USP24: variants seen among roughly 807,000 people sequenced by gnomAD.
USP24 encodes ubiquitin carboxyl-terminal hydrolase 24.
A neutral mutation model predicts 361.6 loss-of-function variants in USP24; 97 were observed. That is an observed-to-expected ratio of 0.27 (90% CI 0.23 to 0.32). The LOEUF (loss-of-function observed/expected upper bound fraction) is 0.32. Among genes scored for constraint, USP24 ranks in the 10% least tolerant of loss-of-function variants. The pLI, the probability that USP24 is intolerant of heterozygous loss-of-function variation, is 1.00. For synonymous variants in USP24, 1,098 were observed against 1,124.6 expected (o/e 0.98, Z 0.47); for missense variants, 2,353 against 3,165.6 (o/e 0.74, Z 6.16).
chr1:55,096,888 T>C (rs1211462335), intron 49 of USP24, 64 bp downstream of exon 49: 17 of 1,549,760 alleles, frequency 1.1e-5, no homozygotes, highest in Non-Finnish European at 1.4e-5. Flanking sequence ...GCGGTGAGTA[T>C]GGATGATAAC....
At chr1:55,144,654 G>C (rs1646980119) in intron 20 of USP24, among the ~76,000 whole-genome samples, 1 of 152,170 alleles carries the variant, frequency 6.6e-6, no homozygotes, top group South Asian at 2.1e-4. Flanking sequence ...ATTAGATTTG[G>C]CCGGGTGCGG....
In USP24 at chr1:55,159,031, C is replaced by A; in HGVS notation, c.1074G>T (p.Leu358Phe). The A allele has an allele frequency of 6.6e-7, 1 of 1,516,328 alleles. No individual in the cohort carries two copies. Among genetic ancestry groups the A allele is most frequent in the Non-Finnish European group, 8.8e-7 (1 of 1,131,230 alleles). The allele number at this position is 1,516,328 out of a possible 1,614,324, so 93.9% of individuals were successfully genotyped here. ...VEEKDLKDKR[L>F]VSIPELLSAV... ...CAGACAAGAGCTCAGGGATGCTAAC[C>A]AATCTCTTTTATTGAATAAAAACAA... Residue 358 changes from leucine to phenylalanine, a missense_variant, in exon 10 of 68, where the codon TTG (leucine) becomes TTT (phenylalanine). By Grantham distance (22) the Leu-to-Phe change is conservative. Transcript: ENST00000294383.
intron 24 of USP24, among the ~76,000 whole-genome samples, chr1:55,140,244 T>C (rs1646850395): frequency 6.6e-6 from 1 of 152,122 alleles, no homozygotes; most frequent in Admixed American, 6.6e-5. Context: ...AGCATACTCA[T>C]TTAAAGAAGT....
At chr1:55,109,105 C>T (rs1336757578) in intron 39 of USP24, among the ~76,000 whole-genome samples, 6 of 152,244 alleles carry the variant, frequency 3.9e-5, no homozygotes, top group Non-Finnish European at 7.3e-5. Context: ...TCTCCTGCTT[C>T]GGCCTCCCGA....
chr1:55,134,965 A>T (rs1646693009), intron 28 of USP24, among the ~76,000 whole-genome samples: 2 of 152,276 alleles, frequency 1.3e-5, no homozygotes, highest in African/African-American at 4.8e-5. Flanking sequence ...TATAAGGAAT[A>T]AGAAATCGGA....
chr1:55,085,914 T>A, intron 56 of USP24, 28 bp downstream of exon 56: 2 of 1,598,840 alleles, frequency 1.3e-6, no homozygotes, highest in Non-Finnish European at 1.7e-6. Flanking sequence ...ACACAGTGTA[T>A]AAATAACGTT....
intron 55 of USP24, among the ~76,000 whole-genome samples, chr1:55,089,127 T>C (rs1356842517): frequency 2.0e-5 from 3 of 152,100 alleles, no homozygotes; most frequent in African/African-American, 7.2e-5. Context: ...AGGATGGTCT[T>C]GATCTCTTGA....
intron 30 of USP24, 117 bp downstream of exon 30, chr1:55,133,953 G>T: frequency 9.9e-7 from 1 of 1,009,062 alleles, no homozygotes; most frequent in Non-Finnish European, 1.5e-6. Context: ...TTTTTCAAAA[G>T]AAGAAAAAAC....
intron 1 of USP24, among the ~76,000 whole-genome samples, chr1:55,204,615 G>C (rs972410954): frequency 1.3e-5 from 2 of 152,134 alleles, no homozygotes; most frequent in African/African-American, 4.8e-5. Context: ...AACTCTTCAA[G>C]ACCTCTCTCT....
intron 50 of USP24, among the ~76,000 whole-genome samples, chr1:55,095,920 C>A (rs540969454): frequency 1.3e-5 from 2 of 152,294 alleles, no homozygotes; most frequent in African/African-American, 4.8e-5. Flanking sequence ...AGAAATACCA[C>A]TAGAAGATTT....
At chr1:55,214,511 C>T (rs1644932733) in intron 1 of USP24, among the ~76,000 whole-genome samples, 2 of 152,068 alleles carry the variant, frequency 1.3e-5, no homozygotes, top group African/African-American at 4.8e-5. Context: ...TAGCCGGAAG[C>T]CTAAGGGACC....
rs574979172 is a variant in USP24, at chr1:55,178,232, C to T, written c.325-100G>A. 87 of 1,181,442 alleles carry T rather than the reference C, an allele frequency of 7.4e-5. No homozygotes were observed. In the African/African-American group the frequency reaches 8.8e-4, roughly 12 times the overall value. The allele number at this position is 1,181,442 out of a possible 1,614,324, so 73.2% of individuals were successfully genotyped here. On this transcript the variant is annotated intron_variant, in intron 1 of 67. Transcript: ENST00000294383. ...AGAGCAGATACTGAATCAATGGTAG[C>T]TATTAATACCAATAGCATGGATTCT... is the stretch of plus-strand genomic sequence containing the variant.
chr1:55,200,476 A>G (rs1350502574), intron 1 of USP24, among the ~76,000 whole-genome samples: 4 of 152,182 alleles, frequency 2.6e-5, no homozygotes. Context: ...CTTAGTGTTG[A>G]ACAAATAGTT....
chr1:55,213,265 T>A (rs1263524284), intron 1 of USP24, among the ~76,000 whole-genome samples: 1 of 152,268 alleles, frequency 6.6e-6, no homozygotes. Flanking sequence ...TATGGGAATT[T>A]AAAAAAATTC....
intron 16 of USP24, among the ~76,000 whole-genome samples, chr1:55,149,503 T>C (rs1334787180): frequency 1.3e-5 from 2 of 152,188 alleles, no homozygotes; most frequent in Non-Finnish European, 2.9e-5. Flanking sequence ...CATCTCACTA[T>C]TGAATATGTA....
chr1:55,186,792 T>C (rs1332583885), intron 1 of USP24, among the ~76,000 whole-genome samples: 1 of 152,174 alleles, frequency 6.6e-6, no homozygotes, highest in South Asian at 2.1e-4. Context: ...TAGTATGTAA[T>C]GGGTACAGAG....
rs151112636 is a variant in USP24 at position 55,182,253 on chromosome 1, T to C, written c.325-4121A>G. On this transcript the variant is annotated intron_variant, in intron 1 of 67. Coordinates refer to ENST00000294383, the MANE Select transcript of USP24 (RefSeq NM_015306.3). ...TTTTAGTAGAGACGGGGTTTCACCA[T>C]GTTGGCCAGGATGGTCTCGATCTCT... is the stretch of plus-strand genomic sequence containing the variant. 4.6e-5 allele frequency among the ~76,000 whole-genome samples: 7 copies of C among 152,300 alleles called. No homozygotes were observed. The East Asian group carries it at 1.2e-3, about 25-fold the overall frequency.
At chr1:55,151,190 G>A (rs556973287) in intron 16 of USP24, among the ~76,000 whole-genome samples, 31 of 151,358 alleles carry the variant, frequency 2.0e-4, no homozygotes, top group African/African-American at 7.5e-4. Context: ...TTTAAAAAAA[G>A]CTTTCACATT....
rs1482973289 is a variant in USP24, at chr1:55,068,042, C to G, written c.*1003G>C. 1 of 152,200 alleles carries G rather than the reference C, an allele frequency of 6.6e-6. No individual in the cohort carries two copies. The highest frequency in any genetic ancestry group is 2.4e-5 in the African/African-American group (1 of 41,440). The allele number at this position is 152,200 out of a possible 1,614,324, so 9.4% of individuals were successfully genotyped here. On this transcript the variant is annotated 3_prime_UTR_variant, in exon 68 of 68. Transcript: ENST00000294383. ...TGCATTACAATAACTATGAAACTCACAAGCAGTGTGTACCAACTCAAATAG... is the reference window on the plus strand; with the variant it reads ...TGCATTACAATAACTATGAAACTCAGAAGCAGTGTGTACCAACTCAAATAG...
Sources: gnomAD v4.1 joint callset for allele counts (sites outside exome capture counted in the v4.1 genomes callset) on GRCh38, gnomAD v4.1.1 for gene constraint, MANE v1.5 for transcripts, NCBI Gene and HGNC (gene_info 2026-07-23, HGNC 2026-07-21) for gene names.